MYO5B: variants seen among roughly 807,000 people sequenced by gnomAD.
MYO5B encodes the protein unconventional myosin-Vb.
In MYO5B, 143 loss-of-function variants were observed where a neutral mutation model predicts 229.3. The observed-to-expected ratio is 0.62, with a 90% CI of 0.54 to 0.72. MYO5B has a LOEUF of 0.72. Among genes scored for constraint, MYO5B ranks in the 30% least tolerant of loss-of-function variants. MYO5B has a pLI of 0.00. For missense variants in MYO5B, 2,321 were observed against 2,331.0 expected, an observed-to-expected ratio of 1.00 and a Z score of 0.09; for synonymous variants, 918 against 885.2, an observed-to-expected ratio of 1.04 and a Z score of -0.66.
chr18:50,109,660 T>G (rs761389524), intron 1 of MYO5B, among the ~76,000 whole-genome samples: 4 of 152,012 alleles, frequency 2.6e-5, no homozygotes, highest in Admixed American at 6.6e-5. Context: ...TCTCCTGACG[T>G]TGTGATCCAC....
chr18:49,831,009 G>A (rs973768397), intron 39 of MYO5B, among the ~76,000 whole-genome samples: 1 of 151,154 alleles, frequency 6.6e-6, no homozygotes, highest in Admixed American at 6.6e-5. Context: ...TTGGTCAATT[G>A]ATTTTTGACA....
chr18:49,966,228 G>C lies in MYO5B; in HGVS notation c.1323-3198C>G, dbSNP rs577142843. Among the ~76,000 whole-genome samples the C allele has an allele frequency of 8.5e-5, 13 of 152,308 alleles. No homozygotes were observed. The South Asian group carries it at 2.7e-3, about 32-fold the overall frequency. On this transcript the variant is annotated intron_variant, in intron 10 of 39. Transcript: ENST00000285039. ...ATCAGGAGGAGTAGGAAATCATTTA[G>C]AGATTAAATGAGTCAACTGCTTGGA...
At chr18:50,103,452 T>A (rs1470919964) in intron 1 of MYO5B, among the ~76,000 whole-genome samples, 1 of 152,194 alleles carries the variant, frequency 6.6e-6, no homozygotes, top group Non-Finnish European at 1.5e-5. Context: ...TTTTCCTTTA[T>A]AAAGATTCTG....
chr18:49,830,332 A>G (rs1379428414), intron 39 of MYO5B, among the ~76,000 whole-genome samples: 1 of 152,204 alleles, frequency 6.6e-6, no homozygotes, highest in East Asian at 1.9e-4. Context: ...AAATCTAGCC[A>G]AGAAGGTGCA....
chr18:49,966,224 T>C (rs1340670041), intron 10 of MYO5B, among the ~76,000 whole-genome samples: 2 of 152,150 alleles, frequency 1.3e-5, no homozygotes, highest in Non-Finnish European at 2.9e-5. Context: ...TAGGAAATCA[T>C]TTAGAGATTA....
intron 22 of MYO5B, among the ~76,000 whole-genome samples, chr18:49,887,727 C>T (rs765510996): frequency 2.0e-5 from 3 of 152,194 alleles, no homozygotes; most frequent in Non-Finnish European, 2.9e-5. Flanking sequence ...GTCACCCAGA[C>T]TGGATTGCAG....
At chr18:50,055,090 CT>C (rs1170040842) in intron 2 of MYO5B, among the ~76,000 whole-genome samples, 177 bp downstream of exon 2, 2 of 152,198 alleles carry the variant, frequency 1.3e-5, no homozygotes, top group African/African-American at 2.4e-5. Flanking sequence ...CATAGAGCAG[CT>C]TCCTGGCTTA....
chr18:49,992,040 C>G (rs1045857675), intron 6 of MYO5B, among the ~76,000 whole-genome samples: 11 of 152,144 alleles, frequency 7.2e-5, no homozygotes, highest in African/African-American at 2.7e-4. Context: ...ACAGAGCTAA[C>G]ACATAAGAGG....
chr18:49,891,310 C>T (rs2144124769), intron 22 of MYO5B, among the ~76,000 whole-genome samples: 1 of 152,266 alleles, frequency 6.6e-6, no homozygotes, highest in East Asian at 1.9e-4. Flanking sequence ...TGAAATCATA[C>T]CCCTCAGGCC....
At chr18:49,882,456 C>T (rs2024598023) in intron 22 of MYO5B, among the ~76,000 whole-genome samples, 1 of 151,612 alleles carries the variant, frequency 6.6e-6, no homozygotes, top group Admixed American at 6.6e-5. Flanking sequence ...GCTGACACCC[C>T]GTCTCTACTA....
At position 49,906,524 on chromosome 18, in the gene MYO5B, A is replaced by G; in HGVS notation, c.2309T>C (p.Met770Thr). The G allele has an allele frequency of 6.2e-7, 1 of 1,614,184 alleles. No homozygotes were observed. The highest frequency in any genetic ancestry group is 8.5e-7 in the Non-Finnish European group (1 of 1,180,032). The stretch of plus-strand genomic sequence containing the variant: ...CCATCCCCGGACAGTTTTCTGGATC[A>G]TGATGGTGGCTGTCCGGAACTTGTC... ...RADKFRTATI[M>T]IQKTVRGWLQ... Residue 770 changes from methionine (M) to threonine (T), a missense_variant, in exon 19 of 40, where the codon ATG becomes ACG. By Grantham distance (81) the Met-to-Thr change is moderately conservative (BLOSUM62 -1). Coordinates refer to ENST00000285039, the MANE Select transcript of MYO5B (RefSeq NM_001080467.3).
chr18:50,017,493 C>A (rs77481563), intron 4 of MYO5B, among the ~76,000 whole-genome samples: 28 of 152,248 alleles, frequency 1.8e-4, no homozygotes, highest in Non-Finnish European at 3.2e-4. Context: ...GTTTTTATAG[C>A]CAAACAATAT....
At chr18:50,163,728 C>T (rs1020769609) in intron 1 of MYO5B, among the ~76,000 whole-genome samples, 3 of 152,236 alleles carry the variant, frequency 2.0e-5, no homozygotes, top group African/African-American at 4.8e-5. Context: ...AGACCAGCTG[C>T]TTCTCACAAA....
intron 12 of MYO5B, 152 bp downstream of exon 12, chr18:49,962,114 T>A: frequency 3.1e-6 from 3 of 962,348 alleles, no homozygotes; most frequent in Non-Finnish European, 5.0e-6. Flanking sequence ...CACAGAATGG[T>A]ACATGCTTCT....
intron 21 of MYO5B, among the ~76,000 whole-genome samples, chr18:49,898,049 A>C (rs569940797): frequency 2.0e-5 from 3 of 152,340 alleles, no homozygotes; most frequent in Admixed American, 6.5e-5. Context: ...TATTCAGTAC[A>C]GTAACATGCT....
intron 27 of MYO5B, among the ~76,000 whole-genome samples, chr18:49,868,526 G>A (rs750044698): frequency 6.6e-6 from 1 of 152,188 alleles, no homozygotes; most frequent in Non-Finnish European, 1.5e-5. Flanking sequence ...ATAGCAGGTC[G>A]ATAAAGAAAA....
At chr18:50,189,268 AAGACTGGTAGGGGAGT>A (rs1179472769) in intron 1 of MYO5B, among the ~76,000 whole-genome samples, 1 of 152,166 alleles carries the variant, frequency 6.6e-6, no homozygotes, top group Non-Finnish European at 1.5e-5. Flanking sequence ...TTTTCCGGAA[AAGACTGGTAGGGGAGT>A]AGAGAAGGTG....
At chr18:49,925,587 C>T (rs2144187522) in intron 17 of MYO5B, among the ~76,000 whole-genome samples, 1 of 152,304 alleles carries the variant, frequency 6.6e-6, no homozygotes, top group African/African-American at 2.4e-5. Flanking sequence ...AAATGGGTTG[C>T]AGTGCACAGT....
At chr18:49,828,949 C>T (rs1223448018) in intron 39 of MYO5B, among the ~76,000 whole-genome samples, 1 of 150,684 alleles carries the variant, frequency 6.6e-6, no homozygotes, top group Non-Finnish European at 1.5e-5. Context: ...TAACTGTATA[C>T]CTTAAGGAAT....
Sources: allele counts gnomAD v4.1 joint callset (sites outside exome capture counted in the v4.1 genomes callset), GRCh38; gene constraint gnomAD v4.1.1; transcripts MANE v1.5; gene names NCBI Gene and HGNC (gene_info 2026-07-23, HGNC 2026-07-21).